Variants in PDE1C observed in about 807,000 individuals in gnomAD.
PDE1C encodes the protein dual specificity calcium/calmodulin-dependent 3',5'-cyclic nucleotide phosphodiesterase 1C.
Under a neutral mutation model 93.1 loss-of-function variants are expected in PDE1C, and 62 were observed. The ratio of observed to expected loss-of-function variants is 0.67; its 90% CI spans 0.54 to 0.82. The LOEUF (loss-of-function observed/expected upper bound fraction) is 0.82, where lower values mean the gene tolerates loss of function less well. PDE1C is among the 40% of genes least tolerant of loss of function. PDE1C has a pLI of 0.00. For missense variants in PDE1C, 742 were observed against 884.6 expected (o/e 0.84, Z 2.04); for synonymous variants, 325 against 310.1 (o/e 1.05, Z -0.50).
At chr7:32,080,265 T>C (rs969012006) in intron 3 of PDE1C, among the ~76,000 whole-genome samples, 1 of 152,050 alleles carries the variant, frequency 6.6e-6, no homozygotes, top group Non-Finnish European at 1.5e-5. Flanking sequence ...ATCCCAAAAG[T>C]CTTGTTCACC....
intron 7 of PDE1C, among the ~76,000 whole-genome samples, chr7:31,853,326 A>T (rs1793581434): frequency 6.6e-6 from 1 of 152,192 alleles, no homozygotes; most frequent in South Asian, 2.1e-4. Context: ...CTTTGGGGAT[A>T]AGAAGAAAGA....
At chr7:31,702,631 C>G in the PDE1C span, among the ~76,000 whole-genome samples, 3 of 152,174 alleles carry the variant, frequency 2.0e-5, no homozygotes, top group African/African-American at 7.2e-5. Context: ...TTAGTATTGT[C>G]TTTATTCTTC....
chr7:31,624,292 A>C, the PDE1C span, among the ~76,000 whole-genome samples: 1 of 144,208 alleles, frequency 6.9e-6, no homozygotes, highest in East Asian at 2.1e-4. Flanking sequence ...ATATGGAACC[A>C]AAAAAGAGCC....
chr7:32,093,268 A>C (rs983829325), intron 3 of PDE1C, among the ~76,000 whole-genome samples: 2 of 152,214 alleles, frequency 1.3e-5, no homozygotes, highest in African/African-American at 4.8e-5. Flanking sequence ...GTGAGAATTT[A>C]CTGCAGAGCA....
At chr7:31,698,315 G>C in the PDE1C span, among the ~76,000 whole-genome samples, 1 of 152,198 alleles carries the variant, frequency 6.6e-6, no homozygotes, top group African/African-American at 2.4e-5. Context: ...CATGGGATTT[G>C]TGTTCTCTGC....
rs1001474715 is a variant in PDE1C, at chr7:32,223,046, T to C, written c.86-13507A>G. ...TTCTCCCCTGAAATTGACCCAAGCA[T>C]GCAAGGCCCCTCACTTAGAGGTTCC... On this transcript the variant is annotated intron_variant, in intron 1 of 18. Coordinates refer to the PDE1C transcript ENST00000396193. Among the ~76,000 whole-genome samples, 26 of 152,304 alleles carry C rather than the reference T, an allele frequency of 1.7e-4. 1 individual carries two copies. The highest frequency in any genetic ancestry group is 7.8e-4 in the Admixed American group (12 of 15,308).
At chr7:31,971,283 G>A (rs1290534037) in intron 2 of PDE1C, among the ~76,000 whole-genome samples, 1 of 152,068 alleles carries the variant, frequency 6.6e-6, no homozygotes, top group African/African-American at 2.4e-5. Flanking sequence ...TCTGTGGTAG[G>A]TATATTACCC....
the PDE1C span, chr7:31,643,386 A>G: frequency 1.2e-6 from 2 of 1,614,000 alleles, no homozygotes; most frequent in South Asian, 2.2e-5. Context: ...AACTGCCTGG[A>G]GATCCTGCCC....
chr7:31,997,315 T>A (rs755228333), intron 2 of PDE1C, among the ~76,000 whole-genome samples: 5 of 152,150 alleles, frequency 3.3e-5, no homozygotes, highest in Non-Finnish European at 7.4e-5. Context: ...ATGGCACAGG[T>A]AAAGGATCTT....
At chr7:31,915,624 G>GCTACACTAA (rs1186278518) in intron 2 of PDE1C, among the ~76,000 whole-genome samples, 1 of 152,050 alleles carries the variant, frequency 6.6e-6, no homozygotes, top group Non-Finnish European at 1.5e-5. Flanking sequence ...TCTGTGTCTT[G>GCTACACTAA]GTTTTCTAAC....
chr7:32,412,839 T>C (rs1031468437), intron 1 of PDE1C, among the ~76,000 whole-genome samples: 1 of 152,170 alleles, frequency 6.6e-6, no homozygotes, highest in Admixed American at 6.5e-5. Context: ...GCTTGCACAA[T>C]AGCATTTGTG....
chr7:31,845,230 C>A (rs1792411164), intron 9 of PDE1C, among the ~76,000 whole-genome samples: 1 of 152,124 alleles, frequency 6.6e-6, no homozygotes, highest in African/African-American at 2.4e-5. Context: ...AAGTCCTCAT[C>A]TGATAATTCT....
the PDE1C span, chr7:31,656,459 T>G: frequency 1.0e-6 from 1 of 971,174 alleles, no homozygotes. Context: ...ATGTTGGCTA[T>G]TATTACAAGT....
intron 16 of PDE1C, chr7:31,808,182 T>C: frequency 2.0e-6 from 1 of 488,790 alleles, no homozygotes; most frequent in Non-Finnish European, 4.0e-6. Context: ...TCTTCAAAGG[T>C]ATTCTAACCA....
intron 17 of PDE1C, among the ~76,000 whole-genome samples, chr7:31,767,789 C>T (rs1795234846): frequency 6.6e-6 from 1 of 152,144 alleles, no homozygotes; most frequent in Non-Finnish European, 1.5e-5. Flanking sequence ...CTTCCTCTTC[C>T]AGGTTGCAGA....
intron 17 of PDE1C, among the ~76,000 whole-genome samples, chr7:31,770,002 G>A (rs548445553): frequency 6.6e-6 from 1 of 152,136 alleles, no homozygotes; most frequent in Non-Finnish European, 1.5e-5. Context: ...TAAAGTGGCT[G>A]CACCATTTTA....
At chr7:31,656,998 A>C in the PDE1C span, among the ~76,000 whole-genome samples, 2 of 150,610 alleles carry the variant, frequency 1.3e-5, no homozygotes, top group African/African-American at 4.9e-5. Context: ...AGACTGAATT[A>C]TACCACTGGC....
chr7:32,230,962 A>G (rs1807651107), intron 1 of PDE1C, among the ~76,000 whole-genome samples: 1 of 152,198 alleles, frequency 6.6e-6, no homozygotes, highest in African/African-American at 2.4e-5. Flanking sequence ...AAGTAGAAAG[A>G]CCAGCTTACC....
intron 16 of PDE1C, among the ~76,000 whole-genome samples, chr7:31,808,799 A>AG (rs1371029000): frequency 6.6e-6 from 1 of 151,988 alleles, no homozygotes; most frequent in Non-Finnish European, 1.5e-5. Context: ...AGGAAAAGAA[A>AG]GGGTATAGAA....
Sources: gnomAD v4.1 joint callset for allele counts (sites outside exome capture counted in the v4.1 genomes callset) on GRCh38, gnomAD v4.1.1 for gene constraint, MANE v1.5 for transcripts, NCBI Gene and HGNC (gene_info 2026-07-23, HGNC 2026-07-21) for gene names.